The following UGT1A7 variants were observed in gnomAD, a reference collection of about 807,000 sequenced individuals.
The protein encoded by UGT1A7 is UDP glucuronosyltransferase family 1 member A7, also known as UDP-glucuronosyltransferase 1A7.
UGT1A7 carries 33 observed loss-of-function variants against 45.6 expected under a neutral mutation model. The ratio of observed to expected loss-of-function variants is 0.72; its 90% CI spans 0.55 to 0.97. UGT1A7 has a LOEUF of 0.97. Ranked by LOEUF, UGT1A7 falls within the 50% of genes least tolerant of loss-of-function variation. The pLI is 0.00. For missense variants in UGT1A7, 684 were observed against 666.2 expected, an observed-to-expected ratio of 1.03 and a Z score of -0.29; for synonymous variants, 274 against 250.6, an observed-to-expected ratio of 1.09 and a Z score of -0.88.
At chr2:233,754,323 G>A (rs1357745204) in intron 1 of UGT1A7, 2 of 247,114 alleles carry the variant, frequency 8.1e-6, no homozygotes, top group Non-Finnish European at 1.6e-5. Flanking sequence ...GTCTGCCTCA[G>A]GCTTAAGTTT....
chr2:233,685,792 G>T (rs1336439537), intron 1 of UGT1A7, among the ~76,000 whole-genome samples: 2 of 151,898 alleles, frequency 1.3e-5, no homozygotes, highest in Non-Finnish European at 2.9e-5. Flanking sequence ...AGAAAATCTT[G>T]GCATGTTGTC....
rs1699515943 is a variant in UGT1A7 at position 233,767,916 on chromosome 2, T to A, written c.1055T>A (p.Leu352Gln). The A allele has an allele frequency of 6.2e-7, 1 of 1,614,242 alleles. No homozygotes were observed. Among genetic ancestry groups the A allele is most frequent in the Non-Finnish European group, 8.5e-7 (1 of 1,180,052 alleles). The stretch of plus-strand genomic sequence containing the variant: ...AACAACACGATACTTGTTAAGTGGC[T>A]ACCCCAAAACGATCTGCTTGGTATG... ...LANNTILVKW[L>Q]PQNDLLGHPM... The change falls in exon 3 of 5, where the codon CTA becomes CAA. Residue 352 changes from leucine (L) to glutamine (Q), a missense_variant. By Grantham distance (113) the Leu-to-Gln change is moderately radical. Coordinates refer to ENST00000373426, the MANE Select transcript of UGT1A7 (RefSeq NM_019077.3).
chr2:233,709,499 C>T (rs1449050951), intron 1 of UGT1A7, among the ~76,000 whole-genome samples: 1 of 152,092 alleles, frequency 6.6e-6, no homozygotes, highest in Non-Finnish European at 1.5e-5. Flanking sequence ...GAAGTCTCTG[C>T]CTCTTGCTCT....
intron 1 of UGT1A7, among the ~76,000 whole-genome samples, chr2:233,706,495 C>A (rs982553703): frequency 2.0e-5 from 3 of 152,192 alleles, no homozygotes; most frequent in African/African-American, 7.2e-5. Flanking sequence ...GGTGTCCAGG[C>A]TGGTGTGATG....
intron 1 of UGT1A7, among the ~76,000 whole-genome samples, chr2:233,703,143 G>A (rs151103120): frequency 1.9e-3 from 287 of 152,194 alleles, no homozygotes; most frequent in Non-Finnish European, 3.1e-3. Context: ...GCTTTATTTA[G>A]ATTTTGTATT....
chr2:233,767,299 C>A (rs1479626764), intron 2 of UGT1A7, 134 bp downstream of exon 2: 17 of 1,540,620 alleles, frequency 1.1e-5, no homozygotes, highest in Non-Finnish European at 1.3e-5. Flanking sequence ...AACTATTAAT[C>A]CAAAGGTTTT....
chr2:233,683,801 T>C (rs1267857608), intron 1 of UGT1A7, among the ~76,000 whole-genome samples: 1 of 152,198 alleles, frequency 6.6e-6, no homozygotes, highest in Non-Finnish European at 1.5e-5. Context: ...ATCTTGTATG[T>C]AGTCATATTA....
chr2:233,692,994 C>T (rs2075125575), intron 1 of UGT1A7: 1 of 1,613,956 alleles, frequency 6.2e-7, no homozygotes, highest in Non-Finnish European at 8.5e-7. Context: ...GTTACTTTAA[C>T]TCTTTCCAGG....
In UGT1A7 at chr2:233,751,447, G is replaced by T. The variant is rs116747594; in HGVS notation, c.856-15587G>T. Reference sequence around the variant, plus strand: ...GCTGAAATGAGTTAAGACTTTGGAAGATTGTTGGGAAGGCACGATTGGTTT... The same window carrying T: ...GCTGAAATGAGTTAAGACTTTGGAATATTGTTGGGAAGGCACGATTGGTTT... On this transcript the variant is annotated intron_variant, in intron 1 of 4. Transcript: ENST00000373426. Among the ~76,000 whole-genome samples the T allele has an allele frequency of 9.7e-3, 1,485 of 152,320 alleles. 22 individuals carry two copies. Among genetic ancestry groups the T allele is most frequent in the African/African-American group, 0.034 (1,416 of 41,558 alleles).
rs762309245 is a variant in UGT1A7 at position 233,767,917 on chromosome 2, A to G, written c.1056A>G (p.Leu352=). The stretch of plus-strand genomic sequence containing the variant: ...ACAACACGATACTTGTTAAGTGGCT[A>G]CCCCAAAACGATCTGCTTGGTATGT... ...LANNTILVKW[L]PQNDLLGHPM... The change falls in exon 3 of 5, where the codon CTA becomes CTG. Residue 352 remains leucine, a synonymous_variant. Coordinates refer to ENST00000373426, the MANE Select transcript of UGT1A7 (RefSeq NM_019077.3). 2 of 1,614,072 alleles carry G rather than the reference A, an allele frequency of 1.2e-6. No homozygotes were observed. The highest frequency in any genetic ancestry group is 2.2e-5 in the East Asian group (1 of 44,896).
chr2:233,721,590 T>A (rs2076956234), intron 1 of UGT1A7: 1 of 172,476 alleles, frequency 5.8e-6, no homozygotes, highest in African/African-American at 2.4e-5. Context: ...TGCAACCTCA[T>A]CCTCAGGTTT....
At chr2:233,727,498 G>A (rs2077621663) in intron 1 of UGT1A7, among the ~76,000 whole-genome samples, 1 of 152,136 alleles carries the variant, frequency 6.6e-6, no homozygotes, top group Non-Finnish European at 1.5e-5. Context: ...TAGAACATGG[G>A]AGCCCATGAA....
At chr2:233,748,028 C>T in intron 1 of UGT1A7, 2 of 1,613,550 alleles carry the variant, frequency 1.2e-6, no homozygotes, top group Non-Finnish European at 8.5e-7. Context: ...TCATGCCCAA[C>T]ATGGTCTTCA....
In UGT1A7 at chr2:233,719,743, A is replaced by T. The variant is rs568452098; in HGVS notation, c.855+36951A>T. 25 of 1,613,098 alleles carry T rather than the reference A, an allele frequency of 1.5e-5. No homozygotes were observed. In the East Asian group the frequency reaches 5.3e-4, roughly 35 times the overall value. ...TTCCAGGCAAAACACTTTTTAAAAA[A>T]TGTATTTACTTACAAGTGCTTCCAT... On this transcript the variant is annotated intron_variant, in intron 1 of 4. Coordinates refer to ENST00000373426, the MANE Select transcript of UGT1A7 (RefSeq NM_019077.3).
chr2:233,682,422 C>A lies in UGT1A7; in HGVS notation c.485C>A (p.Ser162Tyr), dbSNP rs778628587. Residue 162 changes from serine (S) to tyrosine (Y), a missense_variant, in exon 1 of 5, where the codon TCC becomes TAC. Physicochemically the swap from Ser to Tyr is moderately radical, Grantham distance 144 (BLOSUM62 -2). Transcript: ENST00000373426. ...ACGLIVAKYF[S>Y]LPSVVFARGI... ...GGCTTAATTGTTGCCAAATATTTCT[C>A]CCTCCCCTCTGTGGTCTTCGCCAGG... is the stretch of plus-strand genomic sequence containing the variant. 1.9e-6 allele frequency: 3 copies of A among 1,613,840 alleles called. No individual in the cohort carries two copies. In the Admixed American group the frequency reaches 5.0e-5, roughly 27 times the overall value.
At chr2:233,748,654 C>T (rs1693998428) in intron 1 of UGT1A7, among the ~76,000 whole-genome samples, 1 of 151,632 alleles carries the variant, frequency 6.6e-6, no homozygotes, top group Admixed American at 6.6e-5. Flanking sequence ...ACACTGAGTT[C>T]AGTTTCCAGA....
chr2:233,766,265 G>A (rs1699086397), intron 1 of UGT1A7, among the ~76,000 whole-genome samples: 1 of 67,776 alleles, frequency 1.5e-5, no homozygotes, highest in Admixed American at 1.4e-4. Flanking sequence ...TCAGTGGCCC[G>A]GGCTCGGTGG....
At chr2:233,724,564 C>T (rs1389770711) in intron 1 of UGT1A7, among the ~76,000 whole-genome samples, 17 of 122,772 alleles carry the variant, frequency 1.4e-4, no homozygotes, top group African/African-American at 2.4e-4. Flanking sequence ...CCAGATGGGG[C>T]GGCGGGGCAG....
At chr2:233,736,540 G>T (rs7564935) in intron 1 of UGT1A7, among the ~76,000 whole-genome samples, 55,271 of 152,042 alleles carry the variant, frequency 0.36, 10,225 homozygotes, top group African/African-American at 0.41. Context: ...TCTCTTTCCA[G>T]CTTTGCTCCA....
Sources: allele counts gnomAD v4.1 joint callset (sites outside exome capture counted in the v4.1 genomes callset), GRCh38; gene constraint gnomAD v4.1.1; transcripts MANE v1.5; gene names NCBI Gene and HGNC (gene_info 2026-07-23, HGNC 2026-07-21).